Variants in CDH18 observed in about 807,000 individuals in gnomAD.
CDH18 encodes the protein cadherin-18.
Under a neutral mutation model 67.9 loss-of-function variants are expected in CDH18, and 31 were observed. That is an observed-to-expected ratio of 0.46 (90% CI 0.34 to 0.62). The LOEUF (loss-of-function observed/expected upper bound fraction) is 0.62. Among genes scored for constraint, CDH18 ranks in the 20% least tolerant of loss-of-function variants. CDH18 has a pLI of 0.01. For synonymous variants in CDH18, 362 were observed against 347.2 expected, an observed-to-expected ratio of 1.04 and a Z score of -0.48; for missense variants, 890 against 975.5, an observed-to-expected ratio of 0.91 and a Z score of 1.17.
intron 1 of CDH18, among the ~76,000 whole-genome samples, chr5:20,296,455 G>A (rs1467183868): frequency 6.6e-6 from 1 of 151,530 alleles, no homozygotes; most frequent in African/African-American, 2.4e-5. Context: ...TAGAGACGGG[G>A]TTTCACCGTG....
chr5:19,652,812 CAG>C lies in CDH18; in HGVS notation c.644-40213_644-40212del, dbSNP rs533139434. On this transcript the variant is annotated intron_variant, in intron 5 of 12. Transcript: ENST00000382275. ...TAAGAGAGGCATCAGAAACGGCAAA[CAG>C]GGGGCAAACTATGCCTATAATTAAG... Among the ~76,000 whole-genome samples, 161 of 152,190 alleles carry C rather than the reference CAG, an allele frequency of 1.1e-3. 1 individual carries two copies. The highest frequency in any genetic ancestry group is 3.4e-3 in the Middle Eastern group (1 of 294).
At chr5:19,630,706 G>A (rs1454034213) in intron 5 of CDH18, among the ~76,000 whole-genome samples, 1 of 152,148 alleles carries the variant, frequency 6.6e-6, no homozygotes, top group Non-Finnish European at 1.5e-5. Context: ...AGTAAGTAAA[G>A]CAAAGGCTGC....
intron 1 of CDH18, among the ~76,000 whole-genome samples, chr5:20,362,909 G>A (rs2150073598): frequency 6.6e-6 from 1 of 152,250 alleles, no homozygotes. Flanking sequence ...TAAGTGGGAA[G>A]GGAGCTTAGC....
intron 1 of CDH18, among the ~76,000 whole-genome samples, chr5:20,313,157 A>G (rs1737147848): frequency 6.6e-6 from 1 of 152,148 alleles, no homozygotes; most frequent in Admixed American, 6.5e-5. Context: ...AATTTAAGTC[A>G]TGGTTATTAG....
chr5:20,305,165 C>A (rs1736309488), intron 1 of CDH18: 1 of 1,440,094 alleles, frequency 6.9e-7, no homozygotes, highest in East Asian at 2.3e-5. Flanking sequence ...AAGGGAGGGG[C>A]GCTGGTTATG....
intron 1 of CDH18, among the ~76,000 whole-genome samples, chr5:20,566,526 A>ATTTTTTTTTTTTTTTTTT (rs33950954): frequency 1.0e-5 from 1 of 97,380 alleles, no homozygotes; most frequent in Non-Finnish European, 2.0e-5. Flanking sequence ...TGCCCAGCTA[A>ATTTTTTTTTTTTTTTTTT]TTTTTTTTTT....
intron 7 of CDH18, among the ~76,000 whole-genome samples, chr5:19,587,433 T>G (rs1295863168): frequency 2.0e-5 from 3 of 152,158 alleles, no homozygotes; most frequent in Non-Finnish European, 2.9e-5. Flanking sequence ...GGTTTTACAT[T>G]TAAGTCTTTA....
intron 11 of CDH18, among the ~76,000 whole-genome samples, chr5:19,490,053 T>G (rs2126656875): frequency 6.6e-6 from 1 of 152,160 alleles, no homozygotes; most frequent in African/African-American, 2.4e-5. Context: ...CACAAACCTT[T>G]TATAAACAGT....
chr5:20,333,517 AAC>A (rs1739386851), intron 1 of CDH18, among the ~76,000 whole-genome samples: 1 of 131,636 alleles, frequency 7.6e-6, no homozygotes. Context: ...AAAAAAAAAA[AAC>A]AATATATATA....
intron 1 of CDH18, among the ~76,000 whole-genome samples, chr5:20,501,594 T>TTATA (rs370110007): frequency 0.058 from 2,036 of 35,180 alleles, 46 homozygotes; most frequent in Middle Eastern, 0.086. Flanking sequence ...TATATATATA[T>TTATA]TATATATATA....
At chr5:20,541,809 G>T (rs1048816614) in intron 1 of CDH18, among the ~76,000 whole-genome samples, 19 of 152,134 alleles carry the variant, frequency 1.2e-4, no homozygotes, top group Non-Finnish European at 8.8e-5. Flanking sequence ...CCATATAGAA[G>T]AATCAGAATC....
At chr5:20,362,098 T>G (rs79068269) in intron 1 of CDH18, among the ~76,000 whole-genome samples, 2 of 152,088 alleles carry the variant, frequency 1.3e-5, no homozygotes, top group Admixed American at 6.6e-5. Context: ...AATTAGCGAA[T>G]TAATGTCAAG....
chr5:20,292,168 A>G (rs1456193019), intron 1 of CDH18, among the ~76,000 whole-genome samples: 1 of 152,240 alleles, frequency 6.6e-6, no homozygotes, highest in East Asian at 1.9e-4. Flanking sequence ...TATTGGCAGT[A>G]AAGGAGAGGT....
chr5:20,096,008 C>A (rs1360395619), intron 2 of CDH18, among the ~76,000 whole-genome samples: 2 of 151,364 alleles, frequency 1.3e-5, no homozygotes, highest in African/African-American at 4.9e-5. Flanking sequence ...TTTTTAAAAG[C>A]GATTTGAAAG....
rs144977689 is a variant in CDH18, at chr5:19,666,392, G to A, written c.644-53791C>T. Among the ~76,000 whole-genome samples the A allele has an allele frequency of 2.2e-4, 33 of 151,436 alleles. No individual in the cohort carries two copies. The East Asian group carries it at 4.9e-3, about 22-fold the overall frequency. On this transcript the variant is annotated intron_variant, in intron 5 of 12. Transcript: ENST00000382275. Reference sequence around the variant, plus strand: ...CATAGTTTTGGGATTACAGGCATACGCCACCACACCTGGCAAATAATGTAA... The same window carrying A: ...CATAGTTTTGGGATTACAGGCATACACCACCACACCTGGCAAATAATGTAA...
chr5:19,516,474 G>T (rs1746020701), intron 10 of CDH18, among the ~76,000 whole-genome samples: 1 of 151,830 alleles, frequency 6.6e-6, no homozygotes, highest in Non-Finnish European at 1.5e-5. Flanking sequence ...GAATAAGTCT[G>T]GTCCTAGACT....
chr5:20,043,190 C>T (rs1328014965), intron 2 of CDH18, among the ~76,000 whole-genome samples: 2 of 151,862 alleles, frequency 1.3e-5, no homozygotes, highest in South Asian at 2.1e-4. Flanking sequence ...TAATGTCTAC[C>T]GATATTGCCA....
chr5:19,879,066 C>T (rs539499131), intron 2 of CDH18, among the ~76,000 whole-genome samples: 2 of 151,840 alleles, frequency 1.3e-5, no homozygotes, highest in Non-Finnish European at 2.9e-5. Flanking sequence ...AATTTAAAGC[C>T]TCTTTCAAGT....
At chr5:20,205,158 C>T (rs1031157414) in intron 2 of CDH18, among the ~76,000 whole-genome samples, 9 of 151,800 alleles carry the variant, frequency 5.9e-5, no homozygotes, top group Non-Finnish European at 8.8e-5. Flanking sequence ...CCTATAAATG[C>T]GTACATATAC....
Sources: allele counts gnomAD v4.1 joint callset (sites outside exome capture counted in the v4.1 genomes callset), GRCh38; gene constraint gnomAD v4.1.1; transcripts MANE v1.5; gene names NCBI Gene and HGNC (gene_info 2026-07-23, HGNC 2026-07-21).